COL25A1: variants seen among roughly 807,000 people sequenced by gnomAD.
COL25A1 encodes the protein collagen type XXV alpha 1 chain, also known as collagen alpha-1(XXV) chain.
COL25A1 carries 103 observed loss-of-function variants against 128.4 expected under a neutral mutation model. The observed-to-expected ratio is 0.80, with a 90% CI of 0.68 to 0.94. The LOEUF (loss-of-function observed/expected upper bound fraction) is 0.94. Among genes scored for constraint, COL25A1 ranks in the 40% least tolerant of loss-of-function variants. The pLI is 0.00. For missense variants in COL25A1, 745 were observed against 840.0 expected (o/e 0.89, Z 1.40); for synonymous variants, 279 against 277.2 (o/e 1.01, Z -0.06).
intron 3 of COL25A1, among the ~76,000 whole-genome samples, chr4:109,282,781 T>C (rs573011421): frequency 3.3e-5 from 5 of 152,334 alleles, no homozygotes; most frequent in Admixed American, 2.6e-4. Context: ...ATTATCAACA[T>C]GCACGCAGAT....
chr4:109,180,035 G>C (rs1774479183), intron 3 of COL25A1, among the ~76,000 whole-genome samples: 1 of 152,170 alleles, frequency 6.6e-6, no homozygotes, highest in Non-Finnish European at 1.5e-5. Context: ...ATACATCAAT[G>C]TTGTTAGAAG....
At chr4:109,088,276 G>A (rs962851544) in intron 3 of COL25A1, among the ~76,000 whole-genome samples, 2 of 152,056 alleles carry the variant, frequency 1.3e-5, no homozygotes, top group African/African-American at 4.8e-5. Flanking sequence ...AAAAATTAGA[G>A]TAATTATGTC....
intron 3 of COL25A1, among the ~76,000 whole-genome samples, chr4:109,068,633 T>C (rs1038519371): frequency 4.6e-5 from 7 of 152,198 alleles, no homozygotes; most frequent in Non-Finnish European, 1.0e-4. Flanking sequence ...GATAATATGT[T>C]CTGGTGCTTA....
intron 6 of COL25A1, among the ~76,000 whole-genome samples, chr4:108,982,108 C>A (rs953045685): frequency 6.6e-6 from 1 of 152,106 alleles, no homozygotes; most frequent in Non-Finnish European, 1.5e-5. Context: ...GCAGGAGAAT[C>A]GCTTGAACCG....
chr4:109,275,679 C>G (rs544062863), intron 3 of COL25A1, among the ~76,000 whole-genome samples: 1 of 152,338 alleles, frequency 6.6e-6, no homozygotes, highest in Admixed American at 6.5e-5. Context: ...CTCCTTCACT[C>G]TTTCTCCAAG....
At chr4:109,036,598 T>C (rs552731234) in intron 5 of COL25A1, among the ~76,000 whole-genome samples, 39 of 152,322 alleles carry the variant, frequency 2.6e-4, no homozygotes, top group African/African-American at 9.1e-4. Flanking sequence ...GGTCATTTCC[T>C]ATCCAAGGAT....
chr4:108,901,867 C>T (rs1742890708), intron 13 of COL25A1, among the ~76,000 whole-genome samples: 1 of 151,974 alleles, frequency 6.6e-6, no homozygotes, highest in African/African-American at 2.4e-5. Context: ...GACTCTGAAC[C>T]AGCAATTGTT....
At chr4:108,910,817 G>A (rs574075121) in intron 13 of COL25A1, among the ~76,000 whole-genome samples, 1 of 152,320 alleles carries the variant, frequency 6.6e-6, no homozygotes, top group African/African-American at 2.4e-5. Flanking sequence ...ATGCTGCCCA[G>A]CAGTTAATAA....
chr4:109,254,651 TA>T (rs567056039), intron 3 of COL25A1, among the ~76,000 whole-genome samples: 7 of 151,556 alleles, frequency 4.6e-5, no homozygotes, highest in African/African-American at 1.7e-4. Flanking sequence ...CAACAATGTT[TA>T]CACAAGTGCC....
At chr4:108,914,458 T>C (rs993121666) in intron 13 of COL25A1, among the ~76,000 whole-genome samples, 1 of 152,126 alleles carries the variant, frequency 6.6e-6, no homozygotes, top group African/African-American at 2.4e-5. Flanking sequence ...TTCTTGTATC[T>C]ATAGCAGTGA....
At chr4:108,866,351 C>A (rs550940706) in intron 20 of COL25A1, among the ~76,000 whole-genome samples, 8 of 152,148 alleles carry the variant, frequency 5.3e-5, no homozygotes, top group African/African-American at 1.9e-4. Flanking sequence ...CGCCGCCATG[C>A]CCAGATGATT....
intron 8 of COL25A1, among the ~76,000 whole-genome samples, chr4:108,956,650 C>T (rs977319005): frequency 2.0e-5 from 3 of 152,204 alleles, no homozygotes; most frequent in African/African-American, 7.2e-5. Flanking sequence ...AGGTGATCCA[C>T]CTGCTTTGGC....
chr4:109,117,430 A>G (rs1767704148), intron 3 of COL25A1, among the ~76,000 whole-genome samples: 1 of 151,950 alleles, frequency 6.6e-6, no homozygotes, highest in African/African-American at 2.4e-5. Flanking sequence ...TTCATAAATA[A>G]AGAAGAATCA....
chr4:109,152,843 T>C (rs578057027), intron 3 of COL25A1, among the ~76,000 whole-genome samples: 1 of 152,020 alleles, frequency 6.6e-6, no homozygotes, highest in South Asian at 2.1e-4. Context: ...GAAAGTAGAA[T>C]GGTGGTTGCC....
chr4:109,158,560 G>A (rs1772249467), intron 3 of COL25A1, among the ~76,000 whole-genome samples: 1 of 152,090 alleles, frequency 6.6e-6, no homozygotes, highest in South Asian at 2.1e-4. Flanking sequence ...AGCAAATCTG[G>A]GCTCCAGGGA....
At chr4:109,185,476 TC>T (rs1394314565) in intron 3 of COL25A1, among the ~76,000 whole-genome samples, 1 of 152,216 alleles carries the variant, frequency 6.6e-6, no homozygotes, top group Non-Finnish European at 1.5e-5. Flanking sequence ...TCTGTCTGAT[TC>T]CTAAGCTAAA....
At chr4:109,029,330 A>G (rs955809908) in intron 5 of COL25A1, among the ~76,000 whole-genome samples, 12 of 152,144 alleles carry the variant, frequency 7.9e-5, no homozygotes, top group African/African-American at 2.7e-4. Context: ...TAATGTATCT[A>G]TGCTGTATAT....
Position 108,848,466 on chromosome 4 carries a change from G to T in COL25A1, c.1434+293C>A, listed in dbSNP as rs577890935. 7.9e-5 allele frequency among the ~76,000 whole-genome samples: 12 copies of T among 152,214 alleles called. No individual in the cohort carries two copies. In the East Asian group the frequency reaches 2.1e-3, roughly 27 times the overall value. ...ATTTGTATTCACTGACAAAAATTAG[G>T]CTAGTTTTACTAACTTGGTAATGAT... On this transcript the variant is annotated intron_variant, in intron 27 of 37. Transcript: ENST00000399132.
rs1778196901 is a variant in COL25A1, at chr4:109,218,379, TTTTG to T, written c.367+82200_367+82203del. Among the ~76,000 whole-genome samples the T allele has an allele frequency of 2.1e-5, 3 of 144,362 alleles. No homozygotes were observed. The South Asian group carries it at 6.8e-4, about 33-fold the overall frequency. The allele number at this position is 144,362 out of a possible 152,430, so 94.7% of individuals were successfully genotyped here. A position where few individuals can be genotyped will look rare whatever the true frequency, so the allele number is the denominator to read the frequency against. ...GGGGTTTTTTTTTTTTTTTTTTTTTTTTTGCTTTTGAACTACACTTACTCTCCAT... is the reference window on the plus strand; with the variant it reads ...GGGGTTTTTTTTTTTTTTTTTTTTTTCTTTTGAACTACACTTACTCTCCAT... On this transcript the variant is annotated intron_variant, in intron 3 of 37. Coordinates refer to ENST00000399132, the MANE Select transcript of COL25A1 (RefSeq NM_198721.4).
Sources: gnomAD v4.1 joint callset for allele counts (sites outside exome capture counted in the v4.1 genomes callset) on GRCh38, gnomAD v4.1.1 for gene constraint, MANE v1.5 for transcripts, NCBI Gene and HGNC (gene_info 2026-07-23, HGNC 2026-07-21) for gene names.